Variants in ANO6 observed in about 807,000 individuals in gnomAD.
ANO6 encodes anoctamin 6.
In ANO6, 106 loss-of-function variants were observed where a neutral mutation model predicts 117.5. The observed-to-expected ratio is 0.90, with a 90% CI of 0.77 to 1.06. The LOEUF is 1.06. Among genes scored for constraint, ANO6 ranks in the 50% least tolerant of loss-of-function variants. The pLI, the probability that ANO6 is intolerant of heterozygous loss-of-function variation, is 0.00. For missense variants in ANO6, 955 were observed against 1,121.1 expected (o/e 0.85, Z 2.12); for synonymous variants, 367 against 385.1 (o/e 0.95, Z 0.55).
chr12:45,256,673 A>G (rs1031180359), intron 1 of ANO6: 1 of 152,244 alleles, frequency 6.6e-6, no homozygotes, highest in Admixed American at 6.5e-5. Flanking sequence ...TTTATTATAA[A>G]GCATATTAAA....
At chr12:45,417,921 C>T (rs1169306099) in intron 17 of ANO6, among the ~76,000 whole-genome samples, 1 of 152,206 alleles carries the variant, frequency 6.6e-6, no homozygotes, top group Admixed American at 6.5e-5. Context: ...CTCTGAGCTG[C>T]ATGATCTTGA....
At chr12:45,404,720 G>A (rs1182734230) in intron 15 of ANO6, among the ~76,000 whole-genome samples, 1 of 150,718 alleles carries the variant, frequency 6.6e-6, no homozygotes, top group African/African-American at 2.4e-5. Flanking sequence ...CTCTTCCCTT[G>A]TTTAGAAATA....
At chr12:45,354,783 A>C (rs1941368933) in intron 7 of ANO6, among the ~76,000 whole-genome samples, 1 of 152,236 alleles carries the variant, frequency 6.6e-6, no homozygotes, top group Admixed American at 6.5e-5. Context: ...CAGTGACTTG[A>C]TTCAGCTGTG....
At chr12:45,405,433 T>G (rs911351960) in intron 15 of ANO6, among the ~76,000 whole-genome samples, 21 of 152,198 alleles carry the variant, frequency 1.4e-4, no homozygotes, top group Non-Finnish European at 2.1e-4. Flanking sequence ...TACTTTCACT[T>G]CAAGTAAGCT....
At chr12:45,350,798 C>T (rs765456040) in intron 7 of ANO6, 24 bp downstream of exon 7, 7 of 1,574,274 alleles carry the variant, frequency 4.4e-6, no homozygotes, top group Non-Finnish European at 6.1e-6. Flanking sequence ...GGGAGTACTC[C>T]AGGGGGAGGC....
chr12:45,351,912 G>GT (rs1941290110), intron 7 of ANO6, among the ~76,000 whole-genome samples: 1 of 152,122 alleles, frequency 6.6e-6, no homozygotes, highest in African/African-American at 2.4e-5. Flanking sequence ...ATTATAAGGG[G>GT]TACAGGGAGC....
At chr12:45,376,810 A>G (rs956260958) in intron 9 of ANO6, among the ~76,000 whole-genome samples, 1 of 151,936 alleles carries the variant, frequency 6.6e-6, no homozygotes, top group African/African-American at 2.4e-5. Context: ...TATGTAACTA[A>G]CCTGAACAAT....
intron 19 of ANO6, among the ~76,000 whole-genome samples, chr12:45,437,353 A>G (rs1455819022): frequency 6.6e-6 from 1 of 152,242 alleles, no homozygotes; most frequent in Non-Finnish European, 1.5e-5. Flanking sequence ...CCAGACATTA[A>G]AAATAAAAAA....
intron 1 of ANO6, among the ~76,000 whole-genome samples, chr12:45,247,545 G>A (rs1045178163): frequency 1.3e-5 from 2 of 152,152 alleles, no homozygotes; most frequent in African/African-American, 4.8e-5. Context: ...TATCTTAGTC[G>A]GCTAGGTCTG....
Position 45,431,594 on chromosome 12 carries a change from G to A in ANO6, c.*2283G>A. The stretch of plus-strand genomic sequence containing the variant: ...ATGTAATATCTGACACTGTTAAGAT[G>A]CCCAAAAGAGCAAAGTTGTAGTGGA... On this transcript the variant is annotated 3_prime_UTR_variant, in exon 20 of 20. Coordinates refer to ENST00000320560, the MANE Select transcript of ANO6 (RefSeq NM_001025356.3). 2 of 985,438 alleles carry A rather than the reference G, an allele frequency of 2.0e-6. No homozygotes were observed. Among genetic ancestry groups the A allele is most frequent in the Non-Finnish European group, 2.4e-6 (2 of 829,934 alleles). The allele number at this position is 985,438 out of a possible 1,614,324, so 61.0% of individuals were successfully genotyped here.
At chr12:45,321,343 G>A (rs931245245) in intron 2 of ANO6, among the ~76,000 whole-genome samples, 10 of 152,058 alleles carry the variant, frequency 6.6e-5, no homozygotes, top group African/African-American at 1.9e-4. Context: ...CTTGCCTTGC[G>A]TTTTGAAAGG....
At chr12:45,317,107 T>TTATGTGTGTGTGTGTATATATATATA (rs1185224135) in intron 2 of ANO6, among the ~76,000 whole-genome samples, 6 of 12,492 alleles carry the variant, frequency 4.8e-4, no homozygotes, top group African/African-American at 5.3e-4. Flanking sequence ...TGGATTCTTT[T>TTATGTGTGTGTGTGTATATATATATA]TATATGTATA....
At chr12:45,242,491 G>A (rs191454090) in intron 1 of ANO6, among the ~76,000 whole-genome samples, 5 of 152,328 alleles carry the variant, frequency 3.3e-5, no homozygotes, top group Admixed American at 6.5e-5. Flanking sequence ...GGCTTCCCTC[G>A]ACTAGGAAAG....
chr12:45,299,994 T>C (rs1287163759), intron 1 of ANO6, among the ~76,000 whole-genome samples: 1 of 152,204 alleles, frequency 6.6e-6, no homozygotes, highest in Non-Finnish European at 1.5e-5. Context: ...CACATAGAGA[T>C]CTCTTATGAT....
At chr12:45,304,573 T>C (rs1302146407) in intron 2 of ANO6, among the ~76,000 whole-genome samples, 3 of 152,218 alleles carry the variant, frequency 2.0e-5, no homozygotes, top group Non-Finnish European at 1.5e-5. Context: ...CAAAGCCTAG[T>C]TCATGTTTAC....
chr12:45,382,790 C>A (rs60287166), intron 10 of ANO6, among the ~76,000 whole-genome samples: 4,908 of 152,172 alleles, frequency 0.032, 242 homozygotes, highest in African/African-American at 0.11. Context: ...TTAAAAAATA[C>A]TTTATTACTA....
At chr12:45,317,193 A>G (rs1940074434) in intron 2 of ANO6, among the ~76,000 whole-genome samples, 1 of 140,982 alleles carries the variant, frequency 7.1e-6, no homozygotes, top group Non-Finnish European at 1.6e-5. Flanking sequence ...ACATATGTAT[A>G]CATGTGCCAT....
Position 45,403,342 on chromosome 12 carries a change from T to G in ANO6, c.1783-97T>G, listed in dbSNP as rs953341214. On this transcript the variant is annotated intron_variant, in intron 14 of 19. Transcript: ENST00000320560. ...ATTGTAAATTCCTTAGATTTATTTT[T>G]TAGCCTAAACAGAACAAATGTCAGA... 8.4e-6 allele frequency: 13 copies of G among 1,539,726 alleles called. No individual in the cohort carries two copies. The African/African-American group carries it at 1.4e-4, about 16-fold the overall frequency.
chr12:45,403,670 C>T, intron 15 of ANO6, 134 bp downstream of exon 15: 1 of 747,438 alleles, frequency 1.3e-6, no homozygotes, highest in Non-Finnish European at 2.3e-6. Context: ...AATCTGTTGT[C>T]ATTAAAGGTC....
Sources: allele counts gnomAD v4.1 joint callset (sites outside exome capture counted in the v4.1 genomes callset), GRCh38; gene constraint gnomAD v4.1.1; transcripts MANE v1.5; gene names NCBI Gene and HGNC (gene_info 2026-07-23, HGNC 2026-07-21).